Variants in VPS13C observed in about 807,000 individuals in gnomAD.
VPS13C encodes the protein intermembrane lipid transfer protein VPS13C.
VPS13C carries 358 observed loss-of-function variants against 456.8 expected under a neutral mutation model. The ratio of observed to expected loss-of-function variants is 0.78; its 90% CI spans 0.72 to 0.86. The LOEUF is 0.86. Ranked by LOEUF, VPS13C falls within the 40% of genes least tolerant of loss-of-function variation. The pLI is 0.00. For synonymous variants in VPS13C, 1,578 were observed against 1,486.7 expected, an observed-to-expected ratio of 1.06 and a Z score of -1.41; for missense variants, 4,818 against 4,385.4, an observed-to-expected ratio of 1.10 and a Z score of -2.79.
chr15:62,033,000 C>T (rs913390280), intron 5 of VPS13C, among the ~76,000 whole-genome samples: 1 of 151,370 alleles, frequency 6.6e-6, no homozygotes, highest in Admixed American at 6.6e-5. Flanking sequence ...ATATCCTGTA[C>T]AACACGAAGG....
intron 76 of VPS13C, 59 bp from the exon 77 acceptor site, chr15:61,875,010 C>T: frequency 7.1e-7 from 1 of 1,415,340 alleles, no homozygotes; most frequent in African/African-American, 1.5e-5. Flanking sequence ...CAGACTTTTA[C>T]TTTAATAGTT....
rs1454893175 is a variant in VPS13C at position 61,915,965 on chromosome 15, T to A, written c.8113A>T (p.Arg2705Ter). 1 of 1,613,492 alleles carries A rather than the reference T, an allele frequency of 6.2e-7. No homozygotes were observed. Among genetic ancestry groups the A allele is most frequent in the Admixed American group, 1.7e-5 (1 of 59,994 alleles). ...EGSTADVLHS[R>*]ISGEIMELVL... ...AATTCCATTATTTCACCACTGATTC[T>A]CGAATGCAGAACATCAGCAGTACTG... Residue 2705 changes from arginine (R) to a stop codon, truncating the protein, a stop_gained, in exon 61 of 85, where the codon AGA (arginine) becomes TGA (stop). Coordinates refer to ENST00000644861, the MANE Select transcript of VPS13C (RefSeq NM_020821.3). LOFTEE classifies it high-confidence loss of function.
At chr15:61,922,130 A>G (rs1168643194) in intron 54 of VPS13C, 97 bp from the exon 55 acceptor site, 3 of 1,292,934 alleles carry the variant, frequency 2.3e-6, no homozygotes, top group Admixed American at 2.0e-5. Flanking sequence ...AATGTTATAT[A>G]TCATTAGCCA....
chr15:61,951,001 T>A lies in VPS13C; in HGVS notation c.4480A>T (p.Ile1494Phe). 1 of 1,601,964 alleles carries A rather than the reference T, an allele frequency of 6.2e-7. No homozygotes were observed. Among genetic ancestry groups the A allele is most frequent in the Admixed American group, 1.7e-5 (1 of 58,386 alleles). The change falls in exon 40 of 85, where the codon ATT becomes TTT. Residue 1494 changes from isoleucine to phenylalanine, a missense_variant. By Grantham distance (21) the Ile-to-Phe change is conservative (BLOSUM62 0). Coordinates refer to ENST00000644861, the MANE Select transcript of VPS13C (RefSeq NM_020821.3). ...TCAGTCACATTAGAAGAGTTAATAA[T>A]GTGAAGAGGTTCCCCTTTAGAGTCT... Reference protein sequence around the residue: ...FTDSKGEPLHIINSSNVTDEP... With the variant: ...FTDSKGEPLHFINSSNVTDEP...
chr15:61,900,028 T>C (rs1039557692), intron 66 of VPS13C, among the ~76,000 whole-genome samples: 4 of 152,170 alleles, frequency 2.6e-5, no homozygotes, highest in African/African-American at 4.8e-5. Flanking sequence ...ATTGTCTCAA[T>C]AGATGCAGAA....
intron 34 of VPS13C, among the ~76,000 whole-genome samples, chr15:61,962,163 T>C (rs1596388117): frequency 6.6e-6 from 1 of 152,130 alleles, no homozygotes; most frequent in East Asian, 1.9e-4. Flanking sequence ...CATTATATTG[T>C]AGCAAAAATA....
chr15:61,874,191 G>T (rs1895242954), intron 77 of VPS13C, among the ~76,000 whole-genome samples: 1 of 152,024 alleles, frequency 6.6e-6, no homozygotes, highest in Admixed American at 6.6e-5. Context: ...GTAGGGGGAG[G>T]AGAGGATAGG....
rs575229012 is a variant in VPS13C, at chr15:61,880,655, A to T, written c.9956T>A (p.Met3319Lys). The T allele has an allele frequency of 2.5e-6, 4 of 1,600,616 alleles. No individual in the cohort carries two copies. In the Admixed American group the frequency reaches 6.9e-5, roughly 28 times the overall value. Residue 3319 changes from methionine (M) to lysine (K), a missense_variant, in exon 73 of 85, where the codon ATG (methionine) becomes AAG (lysine). Physicochemically the swap from Met to Lys is moderately conservative, Grantham distance 95 (BLOSUM62 -1). Transcript: ENST00000644861. ...AELMETSMTD[M>K]SILSFFEHFH... ...ATGTTCAAAGAAACTAAGAATTGAC[A>T]TATCAGTCATTGAAGTCTCCATTAA...
intron 37 of VPS13C, among the ~76,000 whole-genome samples, chr15:61,957,427 A>C (rs903801539): frequency 6.6e-6 from 1 of 152,132 alleles, no homozygotes; most frequent in African/African-American, 2.4e-5. Context: ...AGTGCACCGA[A>C]TATTTGTATA....
At chr15:62,009,121 C>T (rs1353692807) in intron 13 of VPS13C, among the ~76,000 whole-genome samples, 3 of 152,104 alleles carry the variant, frequency 2.0e-5, no homozygotes, top group Non-Finnish European at 4.4e-5. Flanking sequence ...TATCTGTAAA[C>T]TATGATATAA....
chr15:61,981,224 T>TA (rs1487989739), intron 22 of VPS13C, 118 bp downstream of exon 22: 21 of 1,238,564 alleles, frequency 1.7e-5, no homozygotes, highest in Non-Finnish European at 2.1e-5. Context: ...AAACACAGGC[T>TA]AAAAAATAAG....
intron 73 of VPS13C, among the ~76,000 whole-genome samples, chr15:61,879,826 A>G (rs780645023): frequency 4.6e-5 from 7 of 152,128 alleles, no homozygotes; most frequent in Non-Finnish European, 1.0e-4. Context: ...ACCTGACACT[A>G]TCAGTATGTC....
At chr15:61,921,031 T>C (rs1263472954) in intron 55 of VPS13C, among the ~76,000 whole-genome samples, 2 of 152,042 alleles carry the variant, frequency 1.3e-5, no homozygotes, top group Non-Finnish European at 2.9e-5. Context: ...GAAATGTTTC[T>C]CTCCTTCTAT....
intron 18 of VPS13C, among the ~76,000 whole-genome samples, chr15:61,988,024 T>C (rs1285443213): frequency 6.6e-6 from 1 of 152,146 alleles, no homozygotes; most frequent in African/African-American, 2.4e-5. Context: ...GGTATATTCA[T>C]ACAATGAAAT....
intron 63 of VPS13C, 30 bp downstream of exon 63, chr15:61,911,810 G>C: frequency 6.6e-7 from 1 of 1,525,148 alleles, no homozygotes; most frequent in Non-Finnish European, 8.8e-7. Flanking sequence ...GTATATTTTA[G>C]GAATCAGTTG....
At chr15:62,055,687 G>A (rs1018789167) in intron 1 of VPS13C, among the ~76,000 whole-genome samples, 7 of 152,032 alleles carry the variant, frequency 4.6e-5, no homozygotes, top group African/African-American at 1.4e-4. Context: ...CAAAGATTAC[G>A]CATTTTTATT....
chr15:61,919,259 A>T, intron 58 of VPS13C, 30 bp downstream of exon 58: 1 of 1,569,702 alleles, frequency 6.4e-7, no homozygotes, highest in Non-Finnish European at 8.6e-7. Context: ...TGGTACACTG[A>T]AAGGGATACA....
intron 29 of VPS13C, 143 bp downstream of exon 29, chr15:61,967,225 C>T (rs187080890): frequency 2.9e-6 from 2 of 679,548 alleles, no homozygotes; most frequent in East Asian, 6.0e-5. Context: ...AGAAGGTGTA[C>T]AAATGAAAAA....
intron 29 of VPS13C, 100 bp from the exon 30 acceptor site, chr15:61,966,242 A>C (rs1382885363): frequency 1.4e-6 from 1 of 714,484 alleles, no homozygotes; most frequent in Non-Finnish European, 2.2e-6. Context: ...TTATAAATGT[A>C]TTTTATATAC....
Sources: gnomAD v4.1 joint callset for allele counts (sites outside exome capture counted in the v4.1 genomes callset) on GRCh38, gnomAD v4.1.1 for gene constraint, MANE v1.5 for transcripts, NCBI Gene and HGNC (gene_info 2026-07-23, HGNC 2026-07-21) for gene names.